The following HNRNPC variants were observed in gnomAD, a reference collection of about 807,000 sequenced individuals.
HNRNPC encodes heterogeneous nuclear ribonucleoproteins C1/C2.
A neutral mutation model predicts 33.2 loss-of-function variants in HNRNPC; 3 were observed. That is an observed-to-expected ratio of 0.09 (90% CI 0.04 to 0.23). The LOEUF (loss-of-function observed/expected upper bound fraction) is 0.23, where lower values mean the gene tolerates loss of function less well. HNRNPC is among the 10% of genes least tolerant of loss of function. HNRNPC has a pLI of 1.00. For synonymous variants in HNRNPC, 121 were observed against 126.7 expected, an observed-to-expected ratio of 0.96 and a Z score of 0.30; for missense variants, 143 against 366.7, an observed-to-expected ratio of 0.39 and a Z score of 4.98.
At chr14:21,265,174 T>C (rs780730230) in intron 1 of HNRNPC, 5 of 152,226 alleles carry the variant, frequency 3.3e-5, no homozygotes, top group Admixed American at 6.5e-5. Flanking sequence ...AATGTACAAA[T>C]TGCGGAAAAA....
chr14:21,218,402 G>A (rs1016544592), intron 5 of HNRNPC, among the ~76,000 whole-genome samples: 5 of 152,048 alleles, frequency 3.3e-5, no homozygotes, highest in Admixed American at 2.0e-4. Context: ...AACTAAAATT[G>A]AGGCTGGGCA....
chr14:21,265,906 T>C (rs913100132), intron 1 of HNRNPC, among the ~76,000 whole-genome samples: 2 of 152,236 alleles, frequency 1.3e-5, no homozygotes, highest in Admixed American at 6.5e-5. Flanking sequence ...GAATGAGTGA[T>C]GCATGAGCAT....
At chr14:21,258,651 G>A (rs1877645826) in intron 2 of HNRNPC, among the ~76,000 whole-genome samples, 1 of 152,158 alleles carries the variant, frequency 6.6e-6, no homozygotes, top group South Asian at 2.1e-4. Context: ...ATAGTCAAGT[G>A]TTTAGAATAC....
intron 3 of HNRNPC, among the ~76,000 whole-genome samples, chr14:21,232,861 C>T (rs1305519530): frequency 6.6e-6 from 1 of 152,112 alleles, no homozygotes. Context: ...CATGGTGAAA[C>T]CTCACCTCTA....
intron 5 of HNRNPC, among the ~76,000 whole-genome samples, chr14:21,229,656 T>A (rs567369234): frequency 1.3e-5 from 2 of 152,212 alleles, no homozygotes; most frequent in African/African-American, 4.8e-5. Context: ...ACAACTCCCA[T>A]GCATGACTGA....
intron 5 of HNRNPC, among the ~76,000 whole-genome samples, chr14:21,213,943 T>C (rs1371960559): frequency 6.6e-6 from 1 of 152,228 alleles, no homozygotes; most frequent in East Asian, 1.9e-4. Flanking sequence ...TTAAACTTAG[T>C]ATCCCAGTGA....
At chr14:21,212,083 T>TA (rs1208097298) in intron 6 of HNRNPC, 160 bp from the exon 7 acceptor site, 2 of 610,126 alleles carry the variant, frequency 3.3e-6, no homozygotes, top group East Asian at 2.8e-5. Context: ...GGTTCTATTA[T>TA]AAAGCACGTT....
chr14:21,241,025 C>T (rs1372982152), intron 2 of HNRNPC, among the ~76,000 whole-genome samples: 1 of 152,130 alleles, frequency 6.6e-6, no homozygotes, highest in African/African-American at 2.4e-5. Flanking sequence ...AATCCCAGCA[C>T]TCTGGGAGGC....
chr14:21,261,449 T>C (rs1202984146), intron 2 of HNRNPC, among the ~76,000 whole-genome samples: 3 of 152,220 alleles, frequency 2.0e-5, no homozygotes, highest in African/African-American at 4.8e-5. Flanking sequence ...TTTTTCTAGA[T>C]AACTTCCAGG....
chr14:21,268,963 A>G (rs1879488692), intron 1 of HNRNPC, among the ~76,000 whole-genome samples: 1 of 152,044 alleles, frequency 6.6e-6, no homozygotes, highest in Non-Finnish European at 1.5e-5. Context: ...GCGCTACGTT[A>G]ACTTCGACTA....
chr14:21,241,283 C>G (rs1337740451), intron 2 of HNRNPC, among the ~76,000 whole-genome samples: 1 of 145,412 alleles, frequency 6.9e-6, no homozygotes, highest in Admixed American at 6.9e-5. Context: ...AAAACCACAA[C>G]CATAACAACA....
At chr14:21,250,667 A>G (rs1896538358) in intron 2 of HNRNPC, among the ~76,000 whole-genome samples, 1 of 152,198 alleles carries the variant, frequency 6.6e-6, no homozygotes, top group African/African-American at 2.4e-5. Context: ...TGCAAATAAA[A>G]TGTCATGTTT....
rs1891519694 is a variant in HNRNPC, at chr14:21,210,878, G to A, written c.*345C>T. On this transcript the variant is annotated 3_prime_UTR_variant, in exon 9 of 9. Transcript: ENST00000553300. ...TTAGGGAAGCAACTACTGAACTTAT[G>A]TATGAATGAAAAGAACTGTACTCCC... The A allele has an allele frequency of 7.6e-6, 2 of 263,622 alleles. No homozygotes were observed. Among genetic ancestry groups the A allele is most frequent in the Admixed American group, 9.7e-5 (2 of 20,660 alleles). 16.3% of individuals were successfully genotyped at this position (263,622 alleles called of 1,614,324 possible). A position where few individuals can be genotyped will look rare whatever the true frequency, so the allele number is the denominator to read the frequency against.
At chr14:21,254,414 T>C (rs1199845788) in intron 2 of HNRNPC, 8 of 152,194 alleles carry the variant, frequency 5.3e-5, no homozygotes, top group Admixed American at 5.2e-4. Context: ...CAGTGCTTTT[T>C]GAAGTTTATA....
chr14:21,267,065 AG>A (rs1879110633), intron 1 of HNRNPC, among the ~76,000 whole-genome samples: 1 of 107,628 alleles, frequency 9.3e-6, no homozygotes, highest in Non-Finnish European at 1.9e-5. Flanking sequence ...CATGCACTCC[AG>A]CCTAGGGCGA....
chr14:21,250,972 C>A (rs1208416145), intron 2 of HNRNPC, among the ~76,000 whole-genome samples: 1 of 152,170 alleles, frequency 6.6e-6, no homozygotes, highest in African/African-American at 2.4e-5. Flanking sequence ...CTCAAGACTT[C>A]CATTTCCGGC....
chr14:21,218,725 T>C (rs1302259819), intron 5 of HNRNPC, among the ~76,000 whole-genome samples: 1 of 128,384 alleles, frequency 7.8e-6, no homozygotes, highest in Non-Finnish European at 1.6e-5. Flanking sequence ...TTGAGTCACA[T>C]GCAGTGGCTC....
At chr14:21,225,266 CAA>C (rs1356682986) in intron 5 of HNRNPC, among the ~76,000 whole-genome samples, 3 of 136,284 alleles carry the variant, frequency 2.2e-5, no homozygotes, top group Non-Finnish European at 3.2e-5. Context: ...ACTAACAATA[CAA>C]AAAAAAAAAA....
In HNRNPC at chr14:21,211,548, T is replaced by A; in HGVS notation, c.656A>T (p.Lys219Met). 6.2e-7 allele frequency: 1 copy of A among 1,610,918 alleles called. No homozygotes were observed. The highest frequency in any genetic ancestry group is 8.5e-7 in the Non-Finnish European group (1 of 1,178,518). The change falls in exon 8 of 9, where the codon AAG becomes ATG. Residue 219 changes from lysine to methionine, a missense_variant. Around this residue, in one of 2 missense-constraint regions of HNRNPC, gnomAD observed 131 missense variants for 253.0 expected, o/e 0.52. Transcript: ENST00000553300. ...SKQAVEMKND[K>M]SEEEQSSSSV... ...GCTGCTGCTCTGCTCCTCTTCTGAC[T>A]TATCATTCTTCATCTCTACTGCGGA...
Sources: gnomAD v4.1 joint callset for allele counts (sites outside exome capture counted in the v4.1 genomes callset) on GRCh38, gnomAD v4.1.1 for gene constraint, gnomAD v4.1.1 regional missense constraint, MANE v1.5 for transcripts, NCBI Gene and HGNC (gene_info 2026-07-23, HGNC 2026-07-21) for gene names.